Variants in STARD13 observed in about 807,000 individuals in gnomAD.
STARD13 encodes the protein stAR-related lipid transfer protein 13.
In STARD13, 62 loss-of-function variants were observed where a neutral mutation model predicts 106.4. The observed-to-expected ratio is 0.58, with a 90% confidence interval of 0.48 to 0.72. The LOEUF (loss-of-function observed/expected upper bound fraction) is 0.72, where lower values mean the gene tolerates loss of function less well. Ranked by LOEUF, STARD13 falls within the 30% of genes least tolerant of loss-of-function variation. STARD13 has a pLI of 0.00. For synonymous variants in STARD13, 565 were observed against 553.0 expected, an observed-to-expected ratio of 1.02 and a Z score of -0.31; for missense variants, 1,387 against 1,424.0, an observed-to-expected ratio of 0.97 and a Z score of 0.42.
chr13:33,113,709 T>C (rs1335671018), intron 8 of STARD13, among the ~76,000 whole-genome samples: 1 of 152,150 alleles, frequency 6.6e-6, no homozygotes, highest in Non-Finnish European at 1.5e-5. Context: ...TGTCTGGCCC[T>C]TCTCAGTGCC....
At chr13:33,367,253 A>C in the STARD13 span, among the ~76,000 whole-genome samples, 5 of 152,162 alleles carry the variant, frequency 3.3e-5, no homozygotes, top group Non-Finnish European at 7.4e-5. Flanking sequence ...TGTTAGACAT[A>C]AAAAAAGAAT....
chr13:33,247,949 A>G (rs544286085), intron 1 of STARD13, among the ~76,000 whole-genome samples: 1 of 152,234 alleles, frequency 6.6e-6, no homozygotes, highest in African/African-American at 2.4e-5. Context: ...AGGGCTTTTC[A>G]TGTGGGTGAT....
chr13:33,107,588 G>C (rs567102117), intron 12 of STARD13, among the ~76,000 whole-genome samples: 3 of 152,298 alleles, frequency 2.0e-5, no homozygotes, highest in African/African-American at 7.2e-5. Context: ...TGGCTCTTGA[G>C]TGGGAGAAGA....
chr13:33,527,356 C>T, the STARD13 span, among the ~76,000 whole-genome samples: 4 of 152,032 alleles, frequency 2.6e-5, no homozygotes, highest in Non-Finnish European at 5.9e-5. Flanking sequence ...TATAGTCATT[C>T]TGTAAGGTTG....
chr13:33,156,620 C>T (rs933070756), intron 3 of STARD13, among the ~76,000 whole-genome samples: 1 of 152,164 alleles, frequency 6.6e-6, no homozygotes, highest in African/African-American at 2.4e-5. Context: ...CATTCTTTTA[C>T]CCCTCTGTTT....
the STARD13 span, among the ~76,000 whole-genome samples, chr13:33,607,238 A>G: frequency 1.2e-4 from 19 of 152,094 alleles, no homozygotes; most frequent in African/African-American, 4.6e-4. Context: ...AATAACAAAA[A>G]TAAAACAAAA....
At chr13:33,582,002 C>T in the STARD13 span, among the ~76,000 whole-genome samples, 3 of 152,090 alleles carry the variant, frequency 2.0e-5, no homozygotes, top group African/African-American at 2.4e-5. Context: ...GAGCAGATCA[C>T]GAGATCAGGA....
chr13:33,660,772 C>T, the STARD13 span, among the ~76,000 whole-genome samples: 5 of 152,256 alleles, frequency 3.3e-5, no homozygotes, highest in East Asian at 5.8e-4. Context: ...TCTGTAGAGA[C>T]AAAGTCTCAC....
At chr13:33,339,515 A>T (rs1029273274) in intron 1 of STARD13, among the ~76,000 whole-genome samples, 1 of 152,200 alleles carries the variant, frequency 6.6e-6, no homozygotes, top group Non-Finnish European at 1.5e-5. Context: ...TTGATTTTAT[A>T]TGTATGATAT....
chr13:33,412,292 G>A, the STARD13 span, among the ~76,000 whole-genome samples: 658 of 152,150 alleles, frequency 4.3e-3, 8 homozygotes, highest in African/African-American at 0.015. Context: ...TAGAAATATG[G>A]TGTCATGTCT....
At chr13:33,591,952 T>G in the STARD13 span, among the ~76,000 whole-genome samples, 2 of 152,230 alleles carry the variant, frequency 1.3e-5, no homozygotes, top group African/African-American at 4.8e-5. Flanking sequence ...TATATTCATA[T>G]TATGCATTAC....
chr13:33,105,872 G>A (rs1396803308), intron 13 of STARD13, among the ~76,000 whole-genome samples, 162 bp from the exon 14 acceptor site: 1 of 152,202 alleles, frequency 6.6e-6, no homozygotes, highest in Admixed American at 6.5e-5. Flanking sequence ...TGCCATCAGG[G>A]GCCTTGAAAA....
the STARD13 span, among the ~76,000 whole-genome samples, chr13:33,416,021 T>C: frequency 1.3e-5 from 2 of 152,196 alleles, no homozygotes; most frequent in East Asian, 3.8e-4. Context: ...TGGGTTGCAG[T>C]TTTCATTTGT....
chr13:33,650,961 C>T, the STARD13 span, among the ~76,000 whole-genome samples: 2 of 152,246 alleles, frequency 1.3e-5, no homozygotes. Context: ...GAATTCCCAG[C>T]CTCAAGAACT....
At chr13:33,514,012 AAGTC>A in the STARD13 span, among the ~76,000 whole-genome samples, 6 of 152,334 alleles carry the variant, frequency 3.9e-5, no homozygotes, top group African/African-American at 1.2e-4. Flanking sequence ...GTGCCTGAGA[AAGTC>A]AGCCTCTAAT....
intron 1 of STARD13, among the ~76,000 whole-genome samples, chr13:33,224,331 C>A (rs185195227): frequency 6.6e-6 from 1 of 152,166 alleles, no homozygotes; most frequent in South Asian, 2.1e-4. Context: ...AGTACTGTAT[C>A]TTTACAATAA....
At chr13:33,504,242 A>G in the STARD13 span, among the ~76,000 whole-genome samples, 1 of 152,174 alleles carries the variant, frequency 6.6e-6, no homozygotes, top group Non-Finnish European at 1.5e-5. Flanking sequence ...TGACCCAGCC[A>G]TCTCATTACC....
chr13:33,574,494 G>C, the STARD13 span, among the ~76,000 whole-genome samples: 1 of 152,176 alleles, frequency 6.6e-6, no homozygotes. Flanking sequence ...CTAACACTTT[G>C]GGAGGCCCAG....
chr13:33,502,087 A>G, the STARD13 span, among the ~76,000 whole-genome samples: 34 of 152,256 alleles, frequency 2.2e-4, no homozygotes, highest in African/African-American at 7.2e-4. Flanking sequence ...TTCTCCGTGA[A>G]GAGGTCCTTC....
Sources: allele counts gnomAD v4.1 joint callset (sites outside exome capture counted in the v4.1 genomes callset), GRCh38; gene constraint gnomAD v4.1.1; transcripts MANE v1.5; gene names NCBI Gene and HGNC (gene_info 2026-07-23, HGNC 2026-07-21).